IQUB: variants seen among roughly 807,000 people sequenced by gnomAD.
IQUB encodes the protein IQ motif and ubiquitin domain containing, also known as IQ motif and ubiquitin-like domain-containing protein.
A neutral mutation model predicts 86.4 loss-of-function variants in IQUB; 86 were observed. The ratio of observed to expected loss-of-function variants is 1.00; its 90% CI spans 0.84 to 1.19. IQUB has a LOEUF of 1.19. IQUB is among the 50% of genes most tolerant of loss of function. The probability of loss-of-function intolerance (pLI) is 0.00; values close to 1 mark genes in which losing one functional copy is unlikely to be tolerated. For missense variants in IQUB, 946 were observed against 916.9 expected, an observed-to-expected ratio of 1.03 and a Z score of -0.41; for synonymous variants, 289 against 304.5, an observed-to-expected ratio of 0.95 and a Z score of 0.53.
chr7:123,496,840 G>C lies in IQUB; in HGVS notation c.1090C>G (p.Gln364Glu). The part of the protein sequence containing the change: ...AKIFVENLRR[Q>E]KSLRLEWETQ... ...TCCCATTCCAGTCTTAAGCTTTTCTGTCTTCTTAAATTCTCTACGAAGATT... is the reference window on the plus strand; with the variant it reads ...TCCCATTCCAGTCTTAAGCTTTTCTCTCTTCTTAAATTCTCTACGAAGATT... The change falls in exon 7 of 13, where the codon CAG becomes GAG. Residue 364 changes from glutamine to glutamate, a missense_variant. Gln to Glu is a conservative substitution (Grantham distance 29). Coordinates refer to ENST00000324698, the MANE Select transcript of IQUB (RefSeq NM_178827.5). The C allele has an allele frequency of 6.2e-7, 1 of 1,612,184 alleles. No homozygotes were observed. The highest frequency in any genetic ancestry group is 8.5e-7 in the Non-Finnish European group (1 of 1,179,144).
rs1797673660 is a variant in IQUB, at chr7:123,534,587, C to G, written c.-100G>C. On this transcript the variant is annotated 5_prime_UTR_variant, in exon 1 of 13. Coordinates refer to ENST00000324698, the MANE Select transcript of IQUB (RefSeq NM_178827.5). Reference sequence around the variant, plus strand: ...CCGCGTTCTCAGCTGTTGGTCGTATCCTAGCAACGGCCCTGGCACCACCTC... The same window carrying G: ...CCGCGTTCTCAGCTGTTGGTCGTATGCTAGCAACGGCCCTGGCACCACCTC... 1 of 155,094 alleles carries G rather than the reference C, an allele frequency of 6.4e-6. No individual in the cohort carries two copies. The highest frequency in any genetic ancestry group is 1.4e-5 in the Non-Finnish European group (1 of 69,438). 9.6% of individuals were successfully genotyped at this position (155,094 alleles called of 1,614,324 possible).
chr7:123,487,692 T>C (rs1795268134), intron 7 of IQUB, among the ~76,000 whole-genome samples: 1 of 152,152 alleles, frequency 6.6e-6, no homozygotes, highest in Non-Finnish European at 1.5e-5. Context: ...GTAAAGTAAA[T>C]CATTAAGAGC....
chr7:123,485,847 T>C (rs1001981689), intron 7 of IQUB, among the ~76,000 whole-genome samples: 7 of 152,172 alleles, frequency 4.6e-5, no homozygotes, highest in Admixed American at 2.0e-4. Flanking sequence ...GACAGTGGTG[T>C]GTACAGAGAA....
chr7:123,505,451 C>A (rs551184651), intron 3 of IQUB, among the ~76,000 whole-genome samples: 2 of 152,206 alleles, frequency 1.3e-5, no homozygotes, highest in Non-Finnish European at 2.9e-5. Flanking sequence ...GACATCCAAG[C>A]ATTTCCATAC....
chr7:123,473,742 A>ATTT (rs58043575), intron 8 of IQUB, among the ~76,000 whole-genome samples: 1 of 139,350 alleles, frequency 7.2e-6, no homozygotes, highest in Non-Finnish European at 1.5e-5. Flanking sequence ...TGCCCGGCTA[A>ATTT]TTTTTTTTTT....
intron 1 of IQUB, among the ~76,000 whole-genome samples, chr7:123,533,103 T>G (rs1392261540): frequency 1.3e-5 from 2 of 152,192 alleles, no homozygotes; most frequent in East Asian, 1.9e-4. Flanking sequence ...CAAGGCGACA[T>G]GGGAAGTCCG....
At chr7:123,480,310 G>T (rs1794948927) in intron 7 of IQUB, among the ~76,000 whole-genome samples, 1 of 152,114 alleles carries the variant, frequency 6.6e-6, no homozygotes. Flanking sequence ...CTTCAAGAGA[G>T]TACTTGTCAC....
intron 9 of IQUB, among the ~76,000 whole-genome samples, chr7:123,468,540 A>G (rs1322728697): frequency 3.6e-5 from 3 of 84,240 alleles, no homozygotes; most frequent in Non-Finnish European, 4.8e-5. Flanking sequence ...AGCCCATCCA[A>G]TACGTGGTCA....
At chr7:123,509,173 C>T (rs556250241) in intron 3 of IQUB, among the ~76,000 whole-genome samples, 3 of 152,156 alleles carry the variant, frequency 2.0e-5, no homozygotes, top group African/African-American at 7.2e-5. Context: ...TCTGTTCAGA[C>T]ATATTCTATA....
In IQUB at chr7:123,457,536, T is replaced by C. The variant is rs1793762265; in HGVS notation, c.2038A>G (p.Ile680Val). Reference protein sequence around the residue: ...LQDIQYLTENIWASQSVLSAC... With the variant: ...LQDIQYLTENVWASQSVLSAC... ...CTGAGGACTGACTGGGACGCCCAGA[T>C]GTTCTCTGTCAGGTACTGAATGTCT... The change falls in exon 12 of 13, where the codon ATC becomes GTC. Residue 680 changes from isoleucine to valine, a missense_variant. Transcript: ENST00000324698. 1 of 1,607,958 alleles carries C rather than the reference T, an allele frequency of 6.2e-7. No homozygotes were observed. The highest frequency in any genetic ancestry group is 8.5e-7 in the Non-Finnish European group (1 of 1,177,948).
intron 7 of IQUB, among the ~76,000 whole-genome samples, chr7:123,482,398 A>C (rs539522649): frequency 6.6e-5 from 10 of 152,076 alleles, no homozygotes; most frequent in Admixed American, 6.6e-4. Flanking sequence ...CAAGTTCAAT[A>C]AACCATTTAT....
In IQUB at chr7:123,511,981, T is replaced by C. The variant is rs10270705; in HGVS notation, c.360A>G (p.Glu120=). 555,889 of 1,594,516 alleles carry C rather than the reference T, an allele frequency of 0.35. 99,324 individuals are homozygous for C. Among genetic ancestry groups the C allele is most frequent in the African/African-American group, 0.36 (26,676 of 74,592 alleles). ...AATCTTCCACTGATTCTTGCAAAGA[T>C]TCCTTTACAGACTTTATTTTATCCA... ...AFLDKIKSVK[E]SLQESVEDSL... The change falls in exon 2 of 13, where the codon GAA becomes GAG. Residue 120 remains glutamate (E), a synonymous_variant. Coordinates refer to ENST00000324698, the MANE Select transcript of IQUB (RefSeq NM_178827.5).
chr7:123,453,251 G>A (rs1000207245), intron 12 of IQUB, among the ~76,000 whole-genome samples: 2 of 124,980 alleles, frequency 1.6e-5, no homozygotes, highest in East Asian at 5.2e-4. Context: ...CTAACTGGGG[G>A]TATCTAGTTA....
chr7:123,481,105 A>C (rs1442737662), intron 7 of IQUB, among the ~76,000 whole-genome samples: 1 of 152,122 alleles, frequency 6.6e-6, no homozygotes, highest in Non-Finnish European at 1.5e-5. Context: ...ACCTTTAAGA[A>C]AGTATCCTTC....
rs17146009 is a variant in IQUB at position 123,457,503 on chromosome 7, C to T, written c.2071G>A (p.Asp691Asn). The change falls in exon 12 of 13, where the codon GAC (aspartate) becomes AAC (asparagine). Residue 691 changes from aspartate (D) to asparagine (N), a missense_variant. By Grantham distance (23) the Asp-to-Asn change is conservative. Coordinates refer to ENST00000324698, the MANE Select transcript of IQUB (RefSeq NM_178827.5). ...ACCATGACCAGATCACTGAGATTGT[C>T]GCAAGCACTGAGGACTGACTGGGAC... is the stretch of plus-strand genomic sequence containing the variant. ...WASQSVLSAC[D>N]NLSDLVMVRW... 3.0e-3 allele frequency: 4,911 copies of T among 1,611,228 alleles called. 113 individuals are homozygous for T. In the African/African-American group the frequency reaches 0.053, roughly 17 times the overall value.
chr7:123,470,634 G>A (rs1794476884), intron 8 of IQUB, among the ~76,000 whole-genome samples: 1 of 152,184 alleles, frequency 6.6e-6, no homozygotes, highest in South Asian at 2.1e-4. Flanking sequence ...GGCAGATCAC[G>A]AGGTCAGGAG....
At chr7:123,482,037 A>G (rs1795030843) in intron 7 of IQUB, among the ~76,000 whole-genome samples, 1 of 152,034 alleles carries the variant, frequency 6.6e-6, no homozygotes, top group South Asian at 2.1e-4. Flanking sequence ...TATGAACAAA[A>G]AAGAAAGCAG....
At chr7:123,497,048 A>C (rs1795736809) in intron 6 of IQUB, 142 bp from the exon 7 acceptor site, 1 of 590,544 alleles carries the variant, frequency 1.7e-6, no homozygotes, top group Non-Finnish European at 2.9e-6. Context: ...TATTTTCACA[A>C]ACACTAACAT....
At chr7:123,467,606 G>A (rs1794321727) in intron 9 of IQUB, among the ~76,000 whole-genome samples, 1 of 152,088 alleles carries the variant, frequency 6.6e-6, no homozygotes, top group Admixed American at 6.6e-5. Flanking sequence ...TGGATCTACT[G>A]GGCCACCCAG....
Sources: gnomAD v4.1 joint callset for allele counts (sites outside exome capture counted in the v4.1 genomes callset) on GRCh38, gnomAD v4.1.1 for gene constraint, MANE v1.5 for transcripts, NCBI Gene and HGNC (gene_info 2026-07-23, HGNC 2026-07-21) for gene names.